The following BRINP3 variants were observed in gnomAD, a reference collection of about 807,000 sequenced individuals.
The protein encoded by BRINP3 is BMP/retinoic acid inducible neural specific 3.
Under a neutral mutation model 71.0 loss-of-function variants are expected in BRINP3, and 19 were observed. The observed-to-expected ratio is 0.27, with a 90% CI of 0.19 to 0.39. The LOEUF (loss-of-function observed/expected upper bound fraction) is 0.39. BRINP3 is among the 10% of genes least tolerant of loss of function. The probability of loss-of-function intolerance (pLI) is 1.00; values close to 1 mark genes in which losing one functional copy is unlikely to be tolerated. For synonymous variants in BRINP3, 380 were observed against 337.7 expected, an observed-to-expected ratio of 1.13 and a Z score of -1.37; for missense variants, 959 against 940.8, an observed-to-expected ratio of 1.02 and a Z score of -0.25.
chr1:190,228,960 C>T (rs979359898), intron 5 of BRINP3, among the ~76,000 whole-genome samples: 2 of 152,138 alleles, frequency 1.3e-5, no homozygotes, highest in South Asian at 2.1e-4. Flanking sequence ...CTGAGAACCA[C>T]AGAGTAAAAT....
intron 4 of BRINP3, among the ~76,000 whole-genome samples, chr1:190,244,856 A>T (rs934403836): frequency 2.6e-5 from 4 of 152,112 alleles, no homozygotes; most frequent in Non-Finnish European, 5.9e-5. Context: ...AAATACTTCT[A>T]TCAAAAATTT....
At chr1:190,368,666 T>C (rs1669663120) in intron 2 of BRINP3, among the ~76,000 whole-genome samples, 1 of 152,170 alleles carries the variant, frequency 6.6e-6, no homozygotes, top group Non-Finnish European at 1.5e-5. Context: ...AAGGAACTCC[T>C]GAAACCTCTG....
intron 6 of BRINP3, among the ~76,000 whole-genome samples, chr1:190,218,138 C>T (rs1257294761): frequency 1.3e-5 from 2 of 151,500 alleles, no homozygotes; most frequent in Non-Finnish European, 2.9e-5. Flanking sequence ...TAGCCGGGCT[C>T]CTAGATAAAG....
chr1:190,221,769 C>T (rs1189185604), intron 6 of BRINP3, among the ~76,000 whole-genome samples: 1 of 151,972 alleles, frequency 6.6e-6, no homozygotes, highest in Non-Finnish European at 1.5e-5. Context: ...GTAGCTATAC[C>T]TATATCAGAC....
intron 1 of BRINP3, among the ~76,000 whole-genome samples, chr1:190,468,579 C>T (rs1676920267): frequency 6.6e-6 from 1 of 151,068 alleles, no homozygotes. Context: ...AATTATTTTC[C>T]CTATAGGTAA....
At chr1:190,100,112 C>T (rs988364207) in intron 7 of BRINP3, among the ~76,000 whole-genome samples, 3 of 152,106 alleles carry the variant, frequency 2.0e-5, no homozygotes, top group Non-Finnish European at 2.9e-5. Context: ...ATAGTAATAT[C>T]GTCCATGTTG....
intron 2 of BRINP3, among the ~76,000 whole-genome samples, chr1:190,304,311 A>G (rs1400054922): frequency 6.6e-6 from 1 of 151,862 alleles, no homozygotes; most frequent in Non-Finnish European, 1.5e-5. Flanking sequence ...GTGATTCACC[A>G]TATTATTTTA....
At chr1:190,251,415 G>C (rs554450414) in intron 4 of BRINP3, among the ~76,000 whole-genome samples, 10 of 151,932 alleles carry the variant, frequency 6.6e-5, no homozygotes, top group South Asian at 2.1e-4. Context: ...GATACATAGA[G>C]ATGACAGTTA....
At chr1:190,396,713 G>GATATATATATATATATATAT (rs3077327) in intron 2 of BRINP3, among the ~76,000 whole-genome samples, 1,795 of 100,588 alleles carry the variant, frequency 0.018, 90 homozygotes, top group Non-Finnish European at 0.021. Context: ...CTAATTTAAT[G>GATATATATATATATATATAT]ATATATATAT....
At chr1:190,427,892 C>G (rs1189007991) in intron 2 of BRINP3, among the ~76,000 whole-genome samples, 1 of 148,808 alleles carries the variant, frequency 6.7e-6, no homozygotes, top group Non-Finnish European at 1.5e-5. Flanking sequence ...TCTCCTTCCT[C>G]CCATCCCCCA....
chr1:190,199,781 AAAAC>A (rs1331211136), intron 6 of BRINP3, among the ~76,000 whole-genome samples: 7 of 147,790 alleles, frequency 4.7e-5, no homozygotes, highest in South Asian at 2.2e-4. Flanking sequence ...GAAAAAAAAA[AAAAC>A]AAAAACAAAA....
At chr1:190,190,816 C>A (rs1653972311) in intron 6 of BRINP3, among the ~76,000 whole-genome samples, 1 of 151,962 alleles carries the variant, frequency 6.6e-6, no homozygotes, top group Non-Finnish European at 1.5e-5. Flanking sequence ...TATAAAATTA[C>A]TTGGTCATCA....
chr1:190,301,907 T>C (rs537851489), intron 2 of BRINP3, among the ~76,000 whole-genome samples: 1 of 152,078 alleles, frequency 6.6e-6, no homozygotes, highest in South Asian at 2.1e-4. Flanking sequence ...TATTTATAGA[T>C]ACAATTTATA....
intron 3 of BRINP3, among the ~76,000 whole-genome samples, chr1:190,272,522 A>T (rs538873441): frequency 6.6e-6 from 1 of 151,660 alleles, no homozygotes; most frequent in Non-Finnish European, 1.5e-5. Flanking sequence ...GGTGGATTAT[A>T]TGAGTGCAAT....
chr1:190,128,694 A>G (rs1009375910), intron 7 of BRINP3, among the ~76,000 whole-genome samples: 3 of 151,850 alleles, frequency 2.0e-5, no homozygotes, highest in African/African-American at 7.2e-5. Context: ...GCTGTGATTT[A>G]CCAGTTTATC....
intron 1 of BRINP3, among the ~76,000 whole-genome samples, chr1:190,461,178 A>G (rs1676373372): frequency 6.6e-6 from 1 of 152,132 alleles, no homozygotes; most frequent in African/African-American, 2.4e-5. Flanking sequence ...TTAACTCTCT[A>G]TCCATATCTT....
intron 2 of BRINP3, among the ~76,000 whole-genome samples, chr1:190,341,504 C>T (rs566275182): frequency 2.6e-4 from 39 of 151,626 alleles, no homozygotes; most frequent in African/African-American, 9.0e-4. Context: ...AAAAGTAATG[C>T]CACCCATTTT....
intron 6 of BRINP3, among the ~76,000 whole-genome samples, chr1:190,180,426 T>G (rs1652925967): frequency 6.6e-6 from 1 of 152,104 alleles, no homozygotes; most frequent in Admixed American, 6.6e-5. Flanking sequence ...GGACTTAGTG[T>G]GGTGAAAAGA....
chr1:190,401,155 C>G (rs1028763487), intron 2 of BRINP3, among the ~76,000 whole-genome samples: 1 of 151,902 alleles, frequency 6.6e-6, no homozygotes, highest in Admixed American at 6.6e-5. Context: ...GTCAGTAGTT[C>G]GAGACCAGGC....
Sources: allele counts gnomAD v4.1 joint callset (sites outside exome capture counted in the v4.1 genomes callset), GRCh38; gene constraint gnomAD v4.1.1; transcripts MANE v1.5; gene names NCBI Gene and HGNC (gene_info 2026-07-23, HGNC 2026-07-21).